SLCO1B3: variants seen among roughly 807,000 people sequenced by gnomAD.
SLCO1B3 encodes the protein solute carrier organic anion transporter family member 1B3.
In SLCO1B3, 72 loss-of-function variants were observed where a neutral mutation model predicts 71.8. The ratio of observed to expected loss-of-function variants is 1.00; its 90% confidence interval spans 0.83 to 1.22. SLCO1B3 has a LOEUF of 1.22. Ranked by LOEUF, SLCO1B3 falls within the 50% of genes most tolerant of loss-of-function variation. SLCO1B3 has a pLI of 0.00. For synonymous variants in SLCO1B3, 298 were observed against 278.4 expected (o/e 1.07, Z -0.70); for missense variants, 911 against 819.7 (o/e 1.11, Z -1.36).
chr12:20,844,392 C>A (rs116900182), intron 3 of SLCO1B3, among the ~76,000 whole-genome samples: 28 of 151,762 alleles, frequency 1.8e-4, no homozygotes, highest in Middle Eastern at 3.4e-3. Context: ...GGTTGTGAAA[C>A]CCCCTCTCTA....
At chr12:20,852,183 T>C (rs1353877641) in intron 3 of SLCO1B3, among the ~76,000 whole-genome samples, 2 of 152,164 alleles carry the variant, frequency 1.3e-5, no homozygotes, top group Non-Finnish European at 2.9e-5. Flanking sequence ...TCTATTTCTA[T>C]ACAAATGCTG....
At chr12:20,822,748 G>C (rs549354448) in intron 3 of SLCO1B3, among the ~76,000 whole-genome samples, 15,383 of 152,184 alleles carry the variant, frequency 0.1, 1,037 homozygotes, top group Middle Eastern at 0.16. Flanking sequence ...GGTGAACATA[G>C]ACTAGCTACC....
chr12:20,914,855 G>T (rs536913973), intron 15 of SLCO1B3, among the ~76,000 whole-genome samples: 9 of 152,158 alleles, frequency 5.9e-5, no homozygotes, highest in Non-Finnish European at 1.2e-4. Context: ...TGCTTGCATG[G>T]TTTCTGAAGA....
chr12:20,838,635 A>C (rs889284959), intron 3 of SLCO1B3, among the ~76,000 whole-genome samples: 2 of 152,056 alleles, frequency 1.3e-5, no homozygotes, highest in African/African-American at 2.4e-5. Flanking sequence ...ACAAACCTTT[A>C]CAGCCTGTTA....
chr12:20,865,457 C>A (rs1196806129), intron 8 of SLCO1B3, among the ~76,000 whole-genome samples: 1 of 151,900 alleles, frequency 6.6e-6, no homozygotes, highest in African/African-American at 2.4e-5. Flanking sequence ...GTGTGTGTTT[C>A]CGTGTGTGTA....
At position 20,862,474 on chromosome 12, in the gene SLCO1B3, G is replaced by A; in HGVS notation, c.544G>A (p.Gly182Ser). The A allele has an allele frequency of 1.2e-6, 2 of 1,612,942 alleles. No homozygotes were observed. Among genetic ancestry groups the A allele is most frequent in the Non-Finnish European group, 1.7e-6 (2 of 1,179,248 alleles). ...TGTCTTCATGGGGAATATGCTTCGT[G>A]GCATAGGGGAAACCCCCATAGTACC... ...IYVFMGNMLR[G>S]IGETPIVPLG... Residue 182 changes from glycine to serine, a missense_variant, in exon 7 of 16, where the codon GGC (glycine) becomes AGC (serine). Coordinates refer to ENST00000381545, the MANE Select transcript of SLCO1B3 (RefSeq NM_019844.4).
At chr12:20,814,281 G>C (rs4149107) in intron 2 of SLCO1B3, among the ~76,000 whole-genome samples, 36,575 of 151,972 alleles carry the variant, frequency 0.24, 4,766 homozygotes, top group Middle Eastern at 0.35. Context: ...TAATAACTCT[G>C]AAACTTATGA....
rs377617849 is a variant in SLCO1B3, at chr12:20,812,598, C to T, written c.-180-926C>T. 9.6e-4 allele frequency among the ~76,000 whole-genome samples: 146 copies of T among 152,278 alleles called. 4 individuals carry two copies. The South Asian group carries it at 0.03, about 31-fold the overall frequency. On this transcript the variant is annotated intron_variant, in intron 1 of 15. Coordinates refer to ENST00000381545, the MANE Select transcript of SLCO1B3 (RefSeq NM_019844.4). ...TTGTATTGGGAAATGGGACTAAAAA[C>T]TTGGATTCATTTAGGCTGTGAAGAC...
At position 20,901,362 on chromosome 12, in the gene SLCO1B3, C is replaced by A; in HGVS notation, c.1760C>A (p.Ala587Asp). The A allele has an allele frequency of 6.3e-7, 1 of 1,575,442 alleles. No individual in the cohort carries two copies. Among genetic ancestry groups the A allele is most frequent in the Non-Finnish European group, 8.6e-7 (1 of 1,162,108 alleles). The change falls in exon 15 of 16, where the codon GCT becomes GAT. Residue 587 changes from alanine (A) to aspartate (D), a missense_variant. Transcript: ENST00000381545. The stretch of plus-strand genomic sequence containing the variant: ...TCTCATGTTGCAGGAGGAATTCTAG[C>A]TCCAATATATTTTGGGGCTCTGATT... Reference protein sequence around the residue: ...MVIRTLGGILAPIYFGALIDK... With the variant: ...MVIRTLGGILDPIYFGALIDK...
intron 3 of SLCO1B3, among the ~76,000 whole-genome samples, chr12:20,828,230 CTAAG>C (rs1864467152): frequency 6.8e-6 from 1 of 146,454 alleles, no homozygotes; most frequent in Non-Finnish European, 1.5e-5. Flanking sequence ...AGACATTTCT[CTAAG>C]TGTCTAAACC....
chr12:20,912,624 A>G (rs1224145552), intron 15 of SLCO1B3, among the ~76,000 whole-genome samples: 2 of 151,350 alleles, frequency 1.3e-5, no homozygotes, highest in African/African-American at 4.9e-5. Context: ...CCCAGGTTCA[A>G]GTGATTCTCC....
intron 13 of SLCO1B3, among the ~76,000 whole-genome samples, chr12:20,888,749 G>A (rs1865841175): frequency 6.6e-6 from 1 of 151,988 alleles, no homozygotes; most frequent in African/African-American, 2.4e-5. Context: ...GTGAAAGTGG[G>A]CATCCTCATC....
Position 20,880,937 on chromosome 12 carries a change from C to T in SLCO1B3, c.1414C>T (p.Pro472Ser), listed in dbSNP as rs758007322. 1 of 1,611,720 alleles carries T rather than the reference C, an allele frequency of 6.2e-7. No individual in the cohort carries two copies. The highest frequency in any genetic ancestry group is 8.5e-7 in the Non-Finnish European group (1 of 1,178,036). ...CAATTGTGATGAAAGTCAGTGGGAACCAGTCTGTGGGAACAATGGAATAAC... is the reference window on the plus strand; with the variant it reads ...CAATTGTGATGAAAGTCAGTGGGAATCAGTCTGTGGGAACAATGGAATAAC... ...ECNCDESQWEPVCGNNGITYL... is the reference protein window; with the variant it reads ...ECNCDESQWESVCGNNGITYL... Residue 472 changes from proline to serine, a missense_variant, in exon 12 of 16, where the codon CCA (proline) becomes TCA (serine). Coordinates refer to ENST00000381545, the MANE Select transcript of SLCO1B3 (RefSeq NM_019844.4).
Position 20,914,069 on chromosome 12 carries a change from T to C in SLCO1B3, c.1866-1935T>C, listed in dbSNP as rs144630098. Among the ~76,000 whole-genome samples, 53 of 152,256 alleles carry C rather than the reference T, an allele frequency of 3.5e-4. No homozygotes were observed. In the East Asian group the frequency reaches 9.5e-3, roughly 27 times the overall value. On this transcript the variant is annotated intron_variant, in intron 15 of 15. Transcript: ENST00000381545. ...ATGAGCCACCATGCCTGGCTTATTT[T>C]GGTCTTTTAATTGGTGTATTTATAT...
intron 13 of SLCO1B3, among the ~76,000 whole-genome samples, chr12:20,884,376 C>T (rs1218992082): frequency 1.3e-5 from 2 of 152,084 alleles, no homozygotes; most frequent in Non-Finnish European, 2.9e-5. Flanking sequence ...AGGGGAAAGA[C>T]TCCCAGAGTA....
At chr12:20,909,786 C>T (rs1221717521) in intron 15 of SLCO1B3, among the ~76,000 whole-genome samples, 1 of 152,136 alleles carries the variant, frequency 6.6e-6, no homozygotes, top group Non-Finnish European at 1.5e-5. Context: ...TCTTAGCTCA[C>T]TGTAGCCTTG....
chr12:20,822,209 AC>A (rs1209823270), intron 3 of SLCO1B3, among the ~76,000 whole-genome samples: 1 of 152,156 alleles, frequency 6.6e-6, no homozygotes, highest in African/African-American at 2.4e-5. Context: ...ATGTGAAGAG[AC>A]CACCAAACAG....
chr12:20,915,327 T>G (rs932853511), intron 15 of SLCO1B3, among the ~76,000 whole-genome samples: 13 of 152,294 alleles, frequency 8.5e-5, no homozygotes, highest in Non-Finnish European at 1.8e-4. Context: ...TTCATTTTGG[T>G]TCTTAGAATT....
chr12:20,848,339 G>A (rs1456258294), intron 3 of SLCO1B3, among the ~76,000 whole-genome samples: 2 of 152,140 alleles, frequency 1.3e-5, no homozygotes, highest in African/African-American at 4.8e-5. Flanking sequence ...AATGCCAAAT[G>A]CTGGCAAATA....
Sources: allele counts gnomAD v4.1 joint callset (sites outside exome capture counted in the v4.1 genomes callset), GRCh38; gene constraint gnomAD v4.1.1; transcripts MANE v1.5; gene names NCBI Gene and HGNC (gene_info 2026-07-23, HGNC 2026-07-21).